The following RUFY4 variants were observed in gnomAD, a reference collection of about 807,000 sequenced individuals.
The protein encoded by RUFY4 is RUN and FYVE domain containing 4.
In RUFY4, 73 loss-of-function variants were observed where a neutral mutation model predicts 69.0. The observed-to-expected ratio is 1.06, with a 90% CI of 0.88 to 1.29. The LOEUF (loss-of-function observed/expected upper bound fraction) is 1.29, where lower values mean the gene tolerates loss of function less well. Among genes scored for constraint, RUFY4 ranks in the 50% most tolerant of loss-of-function variants. RUFY4 has a pLI of 0.00. For synonymous variants in RUFY4, 287 were observed against 271.8 expected, an observed-to-expected ratio of 1.06 and a Z score of -0.55; for missense variants, 770 against 705.6, an observed-to-expected ratio of 1.09 and a Z score of -1.03.
At chr2:218,083,315 GC>G (rs1689811707) in intron 9 of RUFY4, 59 bp downstream of exon 11, 9 of 1,515,948 alleles carry the variant, frequency 5.9e-6, no homozygotes, top group Non-Finnish European at 7.1e-6. Flanking sequence ...GGGATGTGGA[GC>G]CCGGAGCGTG....
At chr2:218,081,075 C>T (rs114644931) in intron 8 of RUFY4, among the ~76,000 whole-genome samples, 1,584 of 152,306 alleles carry the variant, frequency 0.01, 34 homozygotes, top group African/African-American at 0.033. Context: ...AAACTAATTC[C>T]TTCCATGCTT....
At position 218,076,349 on chromosome 2, in the gene RUFY4, T is replaced by C. The variant is rs564914818; in HGVS notation, c.1249-78T>C. The C allele has an allele frequency of 7.4e-3, 11,134 of 1,502,898 alleles. 63 individuals are homozygous for C. The highest frequency in any genetic ancestry group is 8.6e-3 in the Non-Finnish European group (9,617 of 1,122,622). The allele number at this position is 1,502,898 out of a possible 1,614,324, so 93.1% of individuals were successfully genotyped here. On this transcript the variant is annotated intron_variant, in intron 7 of 10. Transcript: ENST00000344321. Reference sequence around the variant, plus strand: ...GGCATGGCCTGGGGTCTCTCGGGAATGTTGTTCAGGTCAGCCCCAGCACTG... The same window carrying C: ...GGCATGGCCTGGGGTCTCTCGGGAACGTTGTTCAGGTCAGCCCCAGCACTG...
intron 2 of RUFY4, among the ~76,000 whole-genome samples, chr2:218,051,587 A>AC (rs1442949101): frequency 2.0e-4 from 29 of 141,704 alleles, no homozygotes; most frequent in African/African-American, 5.8e-4. Context: ...AAAAAAAAAA[A>AC]ACACAGAAAA....
chr2:218,090,059 G>A (rs1220994052), exon 11 of RUFY4: 1 of 1,526,928 alleles, frequency 6.5e-7, no homozygotes, highest in Non-Finnish European at 8.8e-7. Context: ...ACCTGACCAA[G>A]ACCAAGACCA....
intron 2 of RUFY4, among the ~76,000 whole-genome samples, chr2:218,043,101 CGG>C (rs2106027069): frequency 6.6e-6 from 1 of 152,068 alleles, no homozygotes; most frequent in African/African-American, 2.4e-5. Flanking sequence ...TAGAACAGCT[CGG>C]AGGAGACCTG....
At chr2:218,054,276 C>T (rs1261872775) in intron 2 of RUFY4, among the ~76,000 whole-genome samples, 1 of 152,246 alleles carries the variant, frequency 6.6e-6, no homozygotes, top group African/African-American at 2.4e-5. Context: ...GGACTAGGGT[C>T]GGGCATGATG....
exon 3 of RUFY4, chr2:218,058,602 G>A (rs533448336): frequency 6.6e-6 from 1 of 152,204 alleles, no homozygotes; most frequent in Admixed American, 6.5e-5. Flanking sequence ...CAGGTCAGTG[G>A]GGGGCCAGAA....
At chr2:218,062,231 C>G (rs1689212914) in intron 3 of RUFY4, among the ~76,000 whole-genome samples, 1 of 151,862 alleles carries the variant, frequency 6.6e-6, no homozygotes, top group African/African-American at 2.4e-5. Context: ...AACCCCGTCT[C>G]TACTAAAAAT....
intron 9 of RUFY4, among the ~76,000 whole-genome samples, chr2:218,083,588 A>T (rs1024082664): frequency 2.0e-5 from 3 of 152,038 alleles, no homozygotes; most frequent in Admixed American, 6.5e-5. Flanking sequence ...TCTATACTAA[A>T]AATACAAAAA....
chr2:218,075,974 G>T (rs148956334), intron 7 of RUFY4, among the ~76,000 whole-genome samples: 306 of 152,264 alleles, frequency 2.0e-3, no homozygotes, highest in African/African-American at 6.8e-3. Context: ...AATACTTCTT[G>T]CCCAGCCCCA....
At chr2:218,089,589 G>T (rs1298442122) in intron 10 of RUFY4, 12 of 672,408 alleles carry the variant, frequency 1.8e-5, no homozygotes, top group Admixed American at 4.4e-5. Flanking sequence ...AGTGGGATTG[G>T]GTCCCCCTCC....
chr2:218,071,260 C>T (rs1341326436), intron 2 of RUFY4, among the ~76,000 whole-genome samples: 1 of 152,104 alleles, frequency 6.6e-6, no homozygotes, highest in African/African-American at 2.4e-5. Context: ...TCCTCACTCT[C>T]GCCCTCTGAG....
intron 2 of RUFY4, among the ~76,000 whole-genome samples, chr2:218,050,393 A>G (rs573652297): frequency 6.6e-6 from 1 of 152,292 alleles, no homozygotes; most frequent in East Asian, 1.9e-4. Flanking sequence ...GATGAGCTAC[A>G]GATTACAGGG....
intron 4 of RUFY4, 52 bp downstream of exon 6, chr2:218,072,937 C>T: frequency 7.1e-7 from 1 of 1,408,226 alleles, no homozygotes; most frequent in Non-Finnish European, 9.5e-7. Context: ...CACTTTCCCT[C>T]CTTTGTAAAA....
chr2:218,035,600 C>T (rs184361528), intron 2 of RUFY4, among the ~76,000 whole-genome samples: 271 of 152,272 alleles, frequency 1.8e-3, no homozygotes, highest in Middle Eastern at 0.01. Flanking sequence ...AGCCACAGCC[C>T]GGGAGGCAGG....
chr2:218,059,351 C>A, intron 3 of RUFY4: 1 of 163,954 alleles, frequency 6.1e-6, no homozygotes. Context: ...GTACAACTAT[C>A]ACTACTGTTT....
At chr2:218,072,916 G>A (rs1218578665) in intron 4 of RUFY4, 31 bp downstream of exon 6, 1 of 1,461,772 alleles carries the variant, frequency 6.8e-7, no homozygotes, top group Non-Finnish European at 9.1e-7. Context: ...TCCTGCCGAT[G>A]CCATCTGAGC....
At chr2:218,087,121 G>A (rs183838803) in intron 9 of RUFY4, among the ~76,000 whole-genome samples, 34 of 151,948 alleles carry the variant, frequency 2.2e-4, no homozygotes, top group East Asian at 1.7e-3. Context: ...AGCACAGAAA[G>A]CAATTATGTA....
intron 8 of RUFY4, 103 bp downstream of exon 10, chr2:218,076,636 C>T (rs1689640048): frequency 2.7e-6 from 4 of 1,498,102 alleles, no homozygotes; most frequent in Non-Finnish European, 3.6e-6. Context: ...CTCCCATGCA[C>T]CAGGCCCTGG....
Sources: gnomAD v4.1 joint callset for allele counts (sites outside exome capture counted in the v4.1 genomes callset) on GRCh38, gnomAD v4.1.1 for gene constraint, MANE v1.5 for transcripts, NCBI Gene and HGNC (gene_info 2026-07-23, HGNC 2026-07-21) for gene names.